Variants in PRDM13 observed in about 807,000 individuals in gnomAD.
The protein encoded by PRDM13 is PR domain zinc finger protein 13.
A neutral mutation model predicts 36.4 loss-of-function variants in PRDM13; 15 were observed. The observed-to-expected ratio is 0.41, with a 90% CI of 0.28 to 0.64. PRDM13 has a LOEUF of 0.64. PRDM13 is among the 30% of genes least tolerant of loss of function. PRDM13 has a pLI of 0.29. For synonymous variants in PRDM13, 531 were observed against 467.7 expected, an observed-to-expected ratio of 1.14 and a Z score of -1.75; for missense variants, 1,044 against 1,013.5, an observed-to-expected ratio of 1.03 and a Z score of -0.41.
rs758751850 is a variant in PRDM13 at position 99,614,331 on chromosome 6, G to A, written c.1696G>A (p.Ala566Thr). 1.1e-5 allele frequency: 17 copies of A among 1,608,356 alleles called. No individual in the cohort carries two copies. In the African/African-American group the frequency reaches 2.0e-4, roughly 19 times the overall value. ...TGGGGSGGSG[A>T]GKPKTGHLCL... ...GGGCGGCGGCAGCGGAGGCAGCGGC[G>A]CAGGTAAGCCCAAGACCGGCCACCT... The change falls in exon 4 of 4, where the codon GCA (alanine) becomes ACA (threonine). Residue 566 changes from alanine (A) to threonine (T), a missense_variant. By Grantham distance (58) the Ala-to-Thr change is moderately conservative. This residue lies in a region of PRDM13 where 921 missense variants were observed against 865.2 expected (regional missense o/e 1.06). Coordinates refer to ENST00000369215, the MANE Select transcript of PRDM13 (RefSeq NM_021620.4).
rs753735172 is a variant in PRDM13 at position 99,613,709 on chromosome 6, GCAC to G, written c.1086_1088del (p.His363del). 19 of 1,459,896 alleles carry G rather than the reference GCAC, an allele frequency of 1.3e-5. No individual in the cohort carries two copies. The highest frequency in any genetic ancestry group is 7.1e-5 in the Admixed American group (3 of 42,344). 90.4% of individuals were successfully genotyped at this position (1,459,896 alleles called of 1,614,324 possible). On this transcript the variant is annotated inframe_deletion, in exon 4 of 4. Transcript: ENST00000369215. The surrounding 1 kb of genome is among the most constrained non-coding windows in gnomAD (Gnocchi z 6.1). The stretch of plus-strand genomic sequence containing the variant: ...CGGGTCACCACCATCACCACCACGC[GCAC>G]CACCACCACCATCCCAAGTGCCTGC...
rs1770078800 is a variant in PRDM13, at chr6:99,613,798, GCTTCCCT to G, written c.1166_1172del (p.Phe389CysfsTer100). On this transcript the variant is annotated frameshift_variant, in exon 4 of 4. Transcript: ENST00000369215. LOFTEE classifies it high-confidence loss of function. This position sits in a 1 kb window ranked among gnomAD's most constrained non-coding sequence, Gnocchi z 6.1. Reference sequence around the variant, plus strand: ...CTGCCCTGCTCTGGGGCCCTGCGCGGCTTCCCTCTGCTCTCCGTCCCCCCGGAAGAGG... The same window carrying G: ...CTGCCCTGCTCTGGGGCCCTGCGCGGCTGCTCTCCGTCCCCCCGGAAGAGG... 1 of 1,508,140 alleles carries G rather than the reference GCTTCCCT, an allele frequency of 6.6e-7. No homozygotes were observed. The highest frequency in any genetic ancestry group is 1.4e-5 in the African/African-American group (1 of 69,058). The allele number at this position is 1,508,140 out of a possible 1,614,324, so 93.4% of individuals were successfully genotyped here.
Position 99,606,916 on chromosome 6 carries a change from C to G in PRDM13, c.-119C>G. ...GTGCATGCCCGCCCGCGTCACTCCG[C>G]GGGCGGAGGACGCACGTCGGGGCGC... On this transcript the variant is annotated 5_prime_UTR_variant, in exon 1 of 4. Coordinates refer to ENST00000369215, the MANE Select transcript of PRDM13 (RefSeq NM_021620.4). The G allele has an allele frequency of 7.5e-7, 1 of 1,332,188 alleles. No individual in the cohort carries two copies. The highest frequency in any genetic ancestry group is 9.9e-7 in the Non-Finnish European group (1 of 1,011,456). 82.5% of individuals were successfully genotyped at this position (1,332,188 alleles called of 1,614,324 possible). A position where few individuals can be genotyped will look rare whatever the true frequency, so the allele number is the denominator to read the frequency against.
In PRDM13 at chr6:99,614,519, G is replaced by T. The variant is rs1770098237; in HGVS notation, c.1884G>T (p.Thr628=). Residue 628 remains threonine, a synonymous_variant, in exon 4 of 4, where the codon ACG becomes ACT. Coordinates refer to ENST00000369215, the MANE Select transcript of PRDM13 (RefSeq NM_021620.4). ...KHIRLHAEGN[T]PYRCEFCGKV... is the part of the protein sequence containing the mutation. Reference sequence around the variant, plus strand: ...TCCGGCTGCACGCCGAGGGCAATACGCCCTACCGCTGCGAGTTCTGCGGCA... The same window carrying T: ...TCCGGCTGCACGCCGAGGGCAATACTCCCTACCGCTGCGAGTTCTGCGGCA... The T allele has an allele frequency of 6.2e-7, 1 of 1,613,082 alleles. No individual in the cohort carries two copies. Among genetic ancestry groups the T allele is most frequent in the African/African-American group, 1.3e-5 (1 of 74,946 alleles).
chr6:99,613,347 A>G lies in PRDM13; in HGVS notation c.712A>G (p.Thr238Ala). The change falls in exon 4 of 4, where the codon ACC becomes GCC. Residue 238 changes from threonine (T) to alanine (A), a missense_variant. Physicochemically the swap from Thr to Ala is moderately conservative, Grantham distance 58. Coordinates refer to ENST00000369215, the MANE Select transcript of PRDM13 (RefSeq NM_021620.4). This position sits in a 1 kb window ranked among gnomAD's most constrained non-coding sequence, Gnocchi z 6.1. ...KREASSAPSATSPTPGKWGQP... is the reference protein window; with the variant it reads ...KREASSAPSAASPTPGKWGQP... ...CGAGGCCTCTTCCGCGCCCTCGGCC[A>G]CCTCGCCGACCCCAGGCAAGTGGGG... The G allele has an allele frequency of 6.5e-7, 1 of 1,547,920 alleles. No individual in the cohort carries two copies.
rs910925647 is a variant in PRDM13, at chr6:99,614,423, G to C, written c.1788G>C (p.Thr596=). 6.2e-7 allele frequency: 1 copy of C among 1,613,460 alleles called. No homozygotes were observed. Among genetic ancestry groups the C allele is most frequent in the Non-Finnish European group, 8.5e-7 (1 of 1,180,004 alleles). ...YGLKIHMRTH[T]GYKPLKCKVC... The stretch of plus-strand genomic sequence containing the variant: ...TCAAGATCCACATGCGGACGCACAC[G>C]GGCTACAAGCCACTCAAGTGCAAAG... Residue 596 remains threonine, a synonymous_variant, in exon 4 of 4, where the codon ACG becomes ACC. Coordinates refer to ENST00000369215, the MANE Select transcript of PRDM13 (RefSeq NM_021620.4).
intron 1 of PRDM13, 142 bp from the exon 2 acceptor site, chr6:99,608,599 C>A: frequency 8.9e-7 from 1 of 1,117,988 alleles, no homozygotes; most frequent in Admixed American, 3.0e-5. Flanking sequence ...AGGAATTCTC[C>A]TCCTCCCAGT....
intron 3 of PRDM13, among the ~76,000 whole-genome samples, chr6:99,611,552 C>G (rs911726027): frequency 3.9e-5 from 6 of 152,156 alleles, no homozygotes; most frequent in African/African-American, 1.2e-4. Flanking sequence ...ACTCTTCTCC[C>G]ATTTTTCTTT....
In PRDM13 at chr6:99,606,834, C is replaced by A; in HGVS notation, c.-201C>A. 1 of 657,168 alleles carries A rather than the reference C, an allele frequency of 1.5e-6. No homozygotes were observed. The highest frequency in any genetic ancestry group is 2.4e-6 in the Non-Finnish European group (1 of 410,754). The allele number at this position is 657,168 out of a possible 1,614,324, so 40.7% of individuals were successfully genotyped here. A position where few individuals can be genotyped will look rare whatever the true frequency, so the allele number is the denominator to read the frequency against. The stretch of plus-strand genomic sequence containing the variant: ...TTCGCAGCGCAACTCTCTCACCAAA[C>A]TCCGCGCCCTTGCGCTAGCGGTGCC... On this transcript the variant is annotated 5_prime_UTR_variant, in exon 1 of 4. Transcript: ENST00000369215.
chr6:99,613,048 T>C lies in PRDM13; in HGVS notation c.413T>C (p.Ile138Thr). The C allele has an allele frequency of 6.5e-7, 1 of 1,526,796 alleles. No individual in the cohort carries two copies. The highest frequency in any genetic ancestry group is 2.5e-5 in the East Asian group (1 of 39,754). The allele number at this position is 1,526,796 out of a possible 1,614,324, so 94.6% of individuals were successfully genotyped here. The change falls in exon 4 of 4, where the codon ATC becomes ACC. Residue 138 changes from isoleucine (I) to threonine (T), a missense_variant. Ile to Thr is a moderately conservative substitution (Grantham distance 89). Transcript: ENST00000369215. The surrounding 1 kb of genome is among the most constrained non-coding windows in gnomAD (Gnocchi z 6.1). ...TCTTGCCCAGGGGAGGAGCGCTACA[T>C]CTGCTGGTACTGCTGGAGGACGTTT... is the stretch of plus-strand genomic sequence containing the variant. Reference protein sequence around the residue: ...THDEKGEERYICWYCWRTFRY... With the variant: ...THDEKGEERYTCWYCWRTFRY...
chr6:99,613,187 G>A lies in PRDM13; in HGVS notation c.552G>A (p.Ala184=). 2 of 1,612,574 alleles carry A rather than the reference G, an allele frequency of 1.2e-6. No homozygotes were observed. The highest frequency in any genetic ancestry group is 4.5e-5 in the East Asian group (2 of 44,874). Residue 184 remains alanine (A), a synonymous_variant, in exon 4 of 4, where the codon GCG becomes GCA. Coordinates refer to ENST00000369215, the MANE Select transcript of PRDM13 (RefSeq NM_021620.4). This position sits in a 1 kb window ranked among gnomAD's most constrained non-coding sequence, Gnocchi z 6.1. ...EHAARQGAVP[A]ADGLGLSPKP... ...CGGCTCGCCAAGGCGCCGTCCCAGC[G>A]GCTGATGGCCTCGGTCTCTCCCCAA...
intron 3 of PRDM13, among the ~76,000 whole-genome samples, chr6:99,610,066 C>T (rs529054668): frequency 1.3e-5 from 2 of 152,098 alleles, no homozygotes; most frequent in African/African-American, 4.8e-5. Flanking sequence ...AGAAGTATTA[C>T]GGTACTTACA....
At chr6:99,609,903 T>TA (rs1369059530) in intron 3 of PRDM13, among the ~76,000 whole-genome samples, 3 of 133,240 alleles carry the variant, frequency 2.3e-5, no homozygotes, top group African/African-American at 8.6e-5. Context: ...TAAATAAAAA[T>TA]AAAAAATAAA....
rs758897067 is a variant in PRDM13 at position 99,614,700 on chromosome 6, T to C, written c.2065T>C (p.Cys689Arg). ...GAGCGACGACAGTGACGTGGACGTC[T>C]GCTTCACAGACGACCAGAGCGACCC... ...PKSDDSDVDV[C>R]FTDDQSDPEV... The change falls in exon 4 of 4, where the codon TGC (cysteine) becomes CGC (arginine). Residue 689 changes from cysteine (C) to arginine (R), a missense_variant. Physicochemically the swap from Cys to Arg is radical, Grantham distance 180. Around this residue, in one of 3 missense-constraint regions of PRDM13, gnomAD observed 115 missense variants for 122.1 expected, o/e 0.94. Transcript: ENST00000369215. 5.1e-5 allele frequency: 82 copies of C among 1,607,936 alleles called. No individual in the cohort carries two copies. The highest frequency in any genetic ancestry group is 6.9e-5 in the Non-Finnish European group (81 of 1,177,140).
In PRDM13 at chr6:99,613,973, C is replaced by G; in HGVS notation, c.1338C>G (p.Ala446=). The change falls in exon 4 of 4, where the codon GCC becomes GCG. Residue 446 remains alanine (A), a synonymous_variant. Transcript: ENST00000369215. This position sits in a 1 kb window ranked among gnomAD's most constrained non-coding sequence, Gnocchi z 6.1. ...CCCTCGACCCGGGCGGTCTCAAAGC[C>G]TATCCGGGTGGTGAGTGCAGCCACC... is the stretch of plus-strand genomic sequence containing the variant. ...LPPLDPGGLK[A]YPGGECSHLP... is the part of the protein sequence containing the mutation. 6.2e-7 allele frequency: 1 copy of G among 1,604,270 alleles called. No individual in the cohort carries two copies. The highest frequency in any genetic ancestry group is 8.5e-7 in the Non-Finnish European group (1 of 1,177,142).
chr6:99,611,223 C>T (rs555963276), intron 3 of PRDM13, among the ~76,000 whole-genome samples: 17 of 152,106 alleles, frequency 1.1e-4, no homozygotes, highest in Non-Finnish European at 1.9e-4. Flanking sequence ...CAGTGGGTTT[C>T]AATTTCATAG....
chr6:99,609,320 A>G lies in PRDM13; in HGVS notation c.397+13A>G. 1 of 1,613,850 alleles carries G rather than the reference A, an allele frequency of 6.2e-7. No homozygotes were observed. Among genetic ancestry groups the G allele is most frequent in the Non-Finnish European group, 8.5e-7 (1 of 1,179,812 alleles). ...CACGACGAGAAAGGTACCCATTCCA[A>G]AAGCGTGGATGGGCAAAAGTCCAGC... On this transcript the variant is annotated intron_variant, in intron 3 of 3. Transcript: ENST00000369215.
chr6:99,608,655 T>G, intron 1 of PRDM13, 86 bp from the exon 2 acceptor site: 4 of 1,491,964 alleles, frequency 2.7e-6, no homozygotes, highest in Non-Finnish European at 3.6e-6. Context: ...CTTTCCTGTG[T>G]TGGGTTGGGG....
chr6:99,610,408 C>T (rs1472741694), intron 3 of PRDM13, among the ~76,000 whole-genome samples: 5 of 152,216 alleles, frequency 3.3e-5, no homozygotes, highest in African/African-American at 1.2e-4. Context: ...CCTAAAGACA[C>T]ATTTAACATC....
Sources: allele counts gnomAD v4.1 joint callset (sites outside exome capture counted in the v4.1 genomes callset), GRCh38; gene constraint gnomAD v4.1.1; regional missense constraint gnomAD v4.1.1; non-coding constraint Gnocchi (gnomAD v3.1); transcripts MANE v1.5; gene names NCBI Gene and HGNC (gene_info 2026-07-23, HGNC 2026-07-21).